TCERG1: variants seen among roughly 807,000 people sequenced by gnomAD.
TCERG1 encodes the protein transcription elongation regulator 1.
Under a neutral mutation model 144.7 loss-of-function variants are expected in TCERG1, and 37 were observed. That is an observed-to-expected ratio of 0.26 (90% CI 0.20 to 0.34). The LOEUF (loss-of-function observed/expected upper bound fraction) is 0.34, where lower values mean the gene tolerates loss of function less well. Ranked by LOEUF, TCERG1 falls within the 10% of genes least tolerant of loss-of-function variation. TCERG1 has a pLI of 1.00. For missense variants in TCERG1, 1,027 were observed against 1,380.7 expected (o/e 0.74, Z 4.06); for synonymous variants, 492 against 458.2 (o/e 1.07, Z -0.94).
At chr5:146,455,652 T>G (rs1436477655) in intron 2 of TCERG1, among the ~76,000 whole-genome samples, 1 of 152,212 alleles carries the variant, frequency 6.6e-6, no homozygotes, top group Non-Finnish European at 1.5e-5. Context: ...TGCCAGCAAG[T>G]CTAAAAATAT....
At chr5:146,479,790 A>T in intron 10 of TCERG1, 65 bp from the exon 11 acceptor site, 1 of 1,547,550 alleles carries the variant, frequency 6.5e-7, no homozygotes, top group Non-Finnish European at 8.9e-7. Context: ...AGTAATTTTT[A>T]AAAAGAAAAG....
chr5:146,470,681 A>C lies in TCERG1; in HGVS notation c.1445A>C (p.Glu482Ala), dbSNP rs770027568. ...KIKEPIKEPSEEPLPMETEEE... is the reference protein window; with the variant it reads ...KIKEPIKEPSAEPLPMETEEE... Reference sequence around the variant, plus strand: ...AAAGAGCCAATTAAAGAACCCTCTGAAGAGCCTCTGCCAATGGAGACGGAG... The same window carrying C: ...AAAGAGCCAATTAAAGAACCCTCTGCAGAGCCTCTGCCAATGGAGACGGAG... Residue 482 changes from glutamate to alanine, a missense_variant, in exon 8 of 23, where the codon GAA (glutamate) becomes GCA (alanine). Glu to Ala is a moderately radical substitution (Grantham distance 107). Coordinates refer to ENST00000679501, the MANE Select transcript of TCERG1 (RefSeq NM_001382548.1). 5.0e-6 allele frequency: 8 copies of C among 1,613,446 alleles called. No individual in the cohort carries two copies. Among genetic ancestry groups the C allele is most frequent in the Non-Finnish European group, 6.8e-6 (8 of 1,179,864 alleles).
chr5:146,461,925 A>C (rs1763362783), intron 4 of TCERG1: 1 of 152,578 alleles, frequency 6.6e-6, no homozygotes, highest in South Asian at 2.1e-4. Flanking sequence ...ACAAATGCTA[A>C]ATGGTATATG....
chr5:146,471,359 CAG>C, intron 8 of TCERG1, 127 bp from the exon 9 acceptor site: 3 of 774,018 alleles, frequency 3.9e-6, no homozygotes, highest in Non-Finnish European at 6.1e-6. Context: ...TCTTCCTACT[CAG>C]AGTCTCCTCT....
At chr5:146,482,537 A>G in intron 13 of TCERG1, 55 bp from the exon 14 acceptor site, 1 of 1,493,390 alleles carries the variant, frequency 6.7e-7, no homozygotes, top group Middle Eastern at 1.8e-4. Flanking sequence ...GATTTCTAAT[A>G]AGATCTGAGA....
At chr5:146,510,184 C>A in intron 22 of TCERG1, 2 of 997,886 alleles carry the variant, frequency 2.0e-6, no homozygotes, top group Non-Finnish European at 2.8e-6. Context: ...AAGATTTACC[C>A]ACCCACCCTC....
intron 15 of TCERG1, among the ~76,000 whole-genome samples, chr5:146,484,118 G>C (rs1160832601): frequency 6.6e-6 from 1 of 152,074 alleles, no homozygotes; most frequent in Non-Finnish European, 1.5e-5. Flanking sequence ...TGTGTGTCCT[G>C]TAGATAGTAC....
In TCERG1 at chr5:146,463,699, A is replaced by G; in HGVS notation, c.1041A>G (p.Ser347=). 1 of 1,614,198 alleles carries G rather than the reference A, an allele frequency of 6.2e-7. No individual in the cohort carries two copies. Among genetic ancestry groups the G allele is most frequent in the Non-Finnish European group, 8.5e-7 (1 of 1,180,032 alleles). Residue 347 remains serine, a synonymous_variant, in exon 5 of 23, where the codon TCA becomes TCG. Transcript: ENST00000679501. ...PQTLPPAVPH[S]VPQPTTAIPA... is the part of the protein sequence containing the mutation. ...CGTTACCTCCTGCTGTTCCTCATTC[A>G]GTACCTCAGCCAACAACAGCAATAC...
intron 16 of TCERG1, among the ~76,000 whole-genome samples, chr5:146,493,841 G>C (rs1766640228): frequency 6.6e-6 from 1 of 152,042 alleles, no homozygotes. Flanking sequence ...GTGGTATTAG[G>C]TTACTGGGAA....
intron 15 of TCERG1, 58 bp from the exon 16 acceptor site, chr5:146,492,862 G>GTAGTTAAATTACCTATATGAAAT: frequency 8.5e-7 from 1 of 1,183,314 alleles, no homozygotes; most frequent in South Asian, 1.3e-5. Context: ...CAATAATTTG[G>GTAGTTAAATTACCTATATGAAAT]TAGTTAAATT....
intron 1 of TCERG1, among the ~76,000 whole-genome samples, chr5:146,453,965 A>C (rs1458797398): frequency 1.3e-5 from 2 of 150,186 alleles, no homozygotes; most frequent in African/African-American, 4.9e-5. Flanking sequence ...TGGGAGGCCG[A>C]GGAGGGCAGA....
intron 14 of TCERG1, 90 bp downstream of exon 14, chr5:146,482,817 T>A: frequency 1.5e-6 from 2 of 1,372,244 alleles, no homozygotes; most frequent in Non-Finnish European, 1.9e-6. Context: ...AGGTTAGTGC[T>A]CATGTTATGG....
intron 12 of TCERG1, 114 bp downstream of exon 12, chr5:146,480,208 G>T: frequency 2.8e-6 from 2 of 711,236 alleles, no homozygotes; most frequent in Non-Finnish European, 4.7e-6. Flanking sequence ...AGGCATGATT[G>T]CTCTCTTAGG....
Position 146,509,983 on chromosome 5 carries a change from T to G in TCERG1, c.3147-458T>G. 2 of 1,208,556 alleles carry G rather than the reference T, an allele frequency of 1.7e-6. 1 individual carries two copies. The highest frequency in any genetic ancestry group is 2.7e-5 in the South Asian group (2 of 74,508). The allele number at this position is 1,208,556 out of a possible 1,614,324, so 74.9% of individuals were successfully genotyped here. ...TTTTAGATATTTTGTCATTTGGATT[T>G]TTTGGTCAGGATCCTTAATGTTTTG... On this transcript the variant is annotated intron_variant, in intron 22 of 22. Coordinates refer to ENST00000679501, the MANE Select transcript of TCERG1 (RefSeq NM_001382548.1).
At chr5:146,510,326 A>G (rs1768358259) in intron 22 of TCERG1, 115 bp from the exon 23 acceptor site, 1 of 919,500 alleles carries the variant, frequency 1.1e-6, no homozygotes, top group Non-Finnish European at 1.6e-6. Context: ...CTTAAAAAAA[A>G]AAAAAAAAAA....
intron 19 of TCERG1, 78 bp downstream of exon 19, chr5:146,504,084 T>A: frequency 8.0e-7 from 1 of 1,247,412 alleles, no homozygotes; most frequent in Non-Finnish European, 1.0e-6. Flanking sequence ...ATGAATATTT[T>A]AATGTTCTTT....
Position 146,457,099 on chromosome 5 carries a change from A to G in TCERG1, c.286-84A>G, listed in dbSNP as rs2304055. On this transcript the variant is annotated intron_variant, in intron 2 of 22. Transcript: ENST00000679501. ...AGACTATAAAACTAGTTTCTCTTAC[A>G]GTGTTTTACTTTTGAATAGAATTCA... 21 of 1,521,226 alleles carry G rather than the reference A, an allele frequency of 1.4e-5. No individual in the cohort carries two copies. The African/African-American group carries it at 1.7e-4, about 12-fold the overall frequency. 94.2% of individuals were successfully genotyped at this position (1,521,226 alleles called of 1,614,324 possible).
intron 13 of TCERG1, chr5:146,481,502 T>G (rs1765363487): frequency 6.6e-6 from 1 of 152,166 alleles, no homozygotes; most frequent in Non-Finnish European, 1.5e-5. Flanking sequence ...TTCTATTTCT[T>G]TTGATTCATT....
Position 146,507,761 on chromosome 5 carries a change from C to A in TCERG1, c.2962-112C>A. On this transcript the variant is annotated intron_variant, in intron 20 of 22. Transcript: ENST00000679501. This position sits in a 1 kb window ranked among gnomAD's most constrained non-coding sequence, Gnocchi z 4.6. The stretch of plus-strand genomic sequence containing the variant: ...CCTAACTAGTCCAGTTACGCTTGGG[C>A]ATTACAAGAGATCGCAGGTCAGTGT... 1 of 635,816 alleles carries A rather than the reference C, an allele frequency of 1.6e-6. No individual in the cohort carries two copies. The highest frequency in any genetic ancestry group is 2.6e-6 in the Non-Finnish European group (1 of 382,132). The allele number at this position is 635,816 out of a possible 1,614,324, so 39.4% of individuals were successfully genotyped here.
Sources: gnomAD v4.1 joint callset for allele counts (sites outside exome capture counted in the v4.1 genomes callset) on GRCh38, gnomAD v4.1.1 for gene constraint, Gnocchi (gnomAD v3.1) non-coding constraint, MANE v1.5 for transcripts, NCBI Gene and HGNC (gene_info 2026-07-23, HGNC 2026-07-21) for gene names.